The following KIF16B variants were observed in gnomAD, a reference collection of about 807,000 sequenced individuals.
KIF16B encodes kinesin family member 16B.
KIF16B carries 98 observed loss-of-function variants against 156.3 expected under a neutral mutation model. The ratio of observed to expected loss-of-function variants is 0.63; its 90% CI spans 0.53 to 0.74. The LOEUF (loss-of-function observed/expected upper bound fraction) is 0.74. KIF16B is among the 30% of genes least tolerant of loss of function. The probability of loss-of-function intolerance (pLI) is 0.00; values close to 1 mark genes in which losing one functional copy is unlikely to be tolerated. For missense variants in KIF16B, 1,421 were observed against 1,606.5 expected, an observed-to-expected ratio of 0.88 and a Z score of 1.97; for synonymous variants, 564 against 583.7, an observed-to-expected ratio of 0.97 and a Z score of 0.49.
rs185361863 is a variant in KIF16B at position 16,382,043 on chromosome 20, C to T, written c.1785-296G>A. The T allele has an allele frequency of 6.0e-5, 67 of 1,125,678 alleles. No individual in the cohort carries two copies. In the East Asian group the frequency reaches 1.9e-3, roughly 33 times the overall value. 69.7% of individuals were successfully genotyped at this position (1,125,678 alleles called of 1,614,324 possible). On this transcript the variant is annotated intron_variant, in intron 17 of 25. Transcript: ENST00000354981. ...AAACAAGACTTCTAAATGATAAGCA[C>T]GTCTACTCCATGCAGCTTAGCACTG...
chr20:16,527,772 C>T (rs1054553577), intron 2 of KIF16B, among the ~76,000 whole-genome samples: 5 of 152,194 alleles, frequency 3.3e-5, no homozygotes, highest in South Asian at 4.2e-4. Context: ...TTTATACCCC[C>T]GTTACCCTCC....
intron 20 of KIF16B, 56 bp from the exon 21 acceptor site, chr20:16,371,817 T>C (rs2064829650): frequency 3.3e-6 from 4 of 1,198,158 alleles, no homozygotes; most frequent in Non-Finnish European, 3.7e-6. Flanking sequence ...CAGGACATTC[T>C]GAGATCCTCT....
intron 4 of KIF16B, 58 bp from the exon 5 acceptor site, chr20:16,512,981 G>A: frequency 7.6e-7 from 1 of 1,310,868 alleles, no homozygotes. Flanking sequence ...ACTGATGACT[G>A]AATTTGCAAT....
chr20:16,437,615 T>C (rs905631860), intron 12 of KIF16B, among the ~76,000 whole-genome samples: 12 of 152,154 alleles, frequency 7.9e-5, no homozygotes, highest in African/African-American at 2.9e-4. Context: ...CCTCAAGTGT[T>C]TTACTCCTCT....
At chr20:16,361,830 T>C (rs548130976) in intron 22 of KIF16B, among the ~76,000 whole-genome samples, 1 of 152,322 alleles carries the variant, frequency 6.6e-6, no homozygotes, top group Admixed American at 6.5e-5. Context: ...TTATTTCTTC[T>C]ACATAGATCT....
chr20:16,538,106 T>C (rs142433716), intron 1 of KIF16B, among the ~76,000 whole-genome samples: 1 of 152,236 alleles, frequency 6.6e-6, no homozygotes, highest in East Asian at 1.9e-4. Context: ...ACCTAGTTCA[T>C]CTCACCTGCA....
intron 12 of KIF16B, among the ~76,000 whole-genome samples, chr20:16,450,826 T>G (rs1346462982): frequency 6.6e-6 from 1 of 152,178 alleles, no homozygotes; most frequent in East Asian, 1.9e-4. Context: ...TGGATTTTGA[T>G]GACAGGAGTT....
chr20:16,515,896 T>C (rs2069128826), intron 3 of KIF16B, among the ~76,000 whole-genome samples: 1 of 152,202 alleles, frequency 6.6e-6, no homozygotes, highest in South Asian at 2.1e-4. Context: ...TACTTAAGTT[T>C]ACCAAAAAAT....
At chr20:16,316,453 A>G (rs1215849703) in intron 24 of KIF16B, among the ~76,000 whole-genome samples, 1 of 152,196 alleles carries the variant, frequency 6.6e-6, no homozygotes, top group Admixed American at 6.5e-5. Context: ...TAGCTAACAT[A>G]GAAGATATTA....
At chr20:16,405,301 G>A (rs1367532260) in intron 16 of KIF16B, among the ~76,000 whole-genome samples, 1 of 152,156 alleles carries the variant, frequency 6.6e-6, no homozygotes, top group Non-Finnish European at 1.5e-5. Flanking sequence ...GGCAGGAGGG[G>A]TGAAGGGAGA....
chr20:16,388,710 A>T (rs1261725851), intron 17 of KIF16B, among the ~76,000 whole-genome samples: 2 of 152,112 alleles, frequency 1.3e-5, no homozygotes, highest in Admixed American at 6.5e-5. Context: ...ACATACTTCA[A>T]TTAATCTTCC....
intron 22 of KIF16B, among the ~76,000 whole-genome samples, chr20:16,359,481 C>T (rs2064508783): frequency 6.6e-6 from 1 of 152,122 alleles, no homozygotes; most frequent in Non-Finnish European, 1.5e-5. Context: ...GCCTGCAGAA[C>T]CATGAGCCAA....
rs1264514577 is a variant in KIF16B, at chr20:16,272,494, T to C, written c.*759A>G. 5 of 152,610 alleles carry C rather than the reference T, an allele frequency of 3.3e-5. No homozygotes were observed. The highest frequency in any genetic ancestry group is 1.2e-4 in the African/African-American group (5 of 41,466). The allele number at this position is 152,610 out of a possible 1,614,324, so 9.5% of individuals were successfully genotyped here. On this transcript the variant is annotated 3_prime_UTR_variant, in exon 26 of 26. Transcript: ENST00000354981. ...TTTAGCTTTGCGTTCATTTTGTGCTTAGCAGAAAAAGCTCAAGAATGCACA... is the reference window on the plus strand; with the variant it reads ...TTTAGCTTTGCGTTCATTTTGTGCTCAGCAGAAAAAGCTCAAGAATGCACA...
intron 15 of KIF16B, among the ~76,000 whole-genome samples, chr20:16,418,671 G>A (rs890026260): frequency 6.6e-6 from 1 of 152,086 alleles, no homozygotes; most frequent in African/African-American, 2.4e-5. Context: ...TGACATCAGA[G>A]GACCAAAAAC....
intron 1 of KIF16B, among the ~76,000 whole-genome samples, chr20:16,569,435 T>C (rs2071380287): frequency 6.6e-6 from 1 of 152,190 alleles, no homozygotes; most frequent in Admixed American, 6.5e-5. Flanking sequence ...CAGAATCACT[T>C]CCGCATTTGA....
intron 16 of KIF16B, among the ~76,000 whole-genome samples, chr20:16,405,707 G>A (rs558735513): frequency 4.6e-5 from 7 of 152,080 alleles, no homozygotes; most frequent in East Asian, 3.9e-4. Flanking sequence ...TGATAGCATG[G>A]GGGTATTAAC....
At chr20:16,472,552 T>C (rs1419789958) in intron 12 of KIF16B, among the ~76,000 whole-genome samples, 17 of 11,064 alleles carry the variant, frequency 1.5e-3, no homozygotes, top group Non-Finnish European at 2.7e-3. Flanking sequence ...GCATCTGAAA[T>C]TAAAAAAAAA....
intron 21 of KIF16B, 48 bp downstream of exon 21, chr20:16,371,617 A>AAGATGAACGAACTTGTTACCC: frequency 1.7e-6 from 2 of 1,194,896 alleles, no homozygotes; most frequent in Non-Finnish European, 2.4e-6. Flanking sequence ...GGAAAAAAGA[A>AAGATGAACGAACTTGTTACCC]AGATGAACGA....
intron 17 of KIF16B, among the ~76,000 whole-genome samples, chr20:16,382,305 G>T (rs1353513587): frequency 1.3e-5 from 2 of 152,176 alleles, no homozygotes; most frequent in African/African-American, 4.8e-5. Context: ...ATAATTTCAT[G>T]AAACAAACAC....
Sources: gnomAD v4.1 joint callset for allele counts (sites outside exome capture counted in the v4.1 genomes callset) on GRCh38, gnomAD v4.1.1 for gene constraint, MANE v1.5 for transcripts, NCBI Gene and HGNC (gene_info 2026-07-23, HGNC 2026-07-21) for gene names.